Variants in ADGRB3 observed in about 807,000 individuals in gnomAD.
ADGRB3 encodes brain-specific angiogenesis inhibitor 3.
Under a neutral mutation model 193.4 loss-of-function variants are expected in ADGRB3, and 37 were observed. The observed-to-expected ratio is 0.19, with a 90% CI of 0.15 to 0.25. The LOEUF (loss-of-function observed/expected upper bound fraction) is 0.25. Ranked by LOEUF, ADGRB3 falls within the 10% of genes least tolerant of loss-of-function variation. ADGRB3 has a pLI of 1.00. For missense variants in ADGRB3, 1,637 were observed against 1,852.9 expected, an observed-to-expected ratio of 0.88 and a Z score of 2.14; for synonymous variants, 690 against 644.2, an observed-to-expected ratio of 1.07 and a Z score of -1.08.
chr6:69,303,317 T>A (rs1767987399), intron 20 of ADGRB3, among the ~76,000 whole-genome samples: 1 of 151,868 alleles, frequency 6.6e-6, no homozygotes, highest in African/African-American at 2.4e-5. Context: ...GAAATTATGA[T>A]GCATGTCCCT....
chr6:69,013,564 G>C (rs1770000522), intron 11 of ADGRB3, among the ~76,000 whole-genome samples: 1 of 152,092 alleles, frequency 6.6e-6, no homozygotes, highest in Admixed American at 6.6e-5. Context: ...GCAGAGTCAA[G>C]ATTTCAACTG....
chr6:68,970,553 G>A (rs1280672433), intron 8 of ADGRB3, among the ~76,000 whole-genome samples: 3 of 152,094 alleles, frequency 2.0e-5, no homozygotes, highest in African/African-American at 7.2e-5. Flanking sequence ...TGATCTGCCC[G>A]CCTTGGCCTC....
intron 20 of ADGRB3, among the ~76,000 whole-genome samples, chr6:69,245,293 G>T (rs751823040): frequency 2.0e-5 from 3 of 151,908 alleles, no homozygotes; most frequent in African/African-American, 4.8e-5. Context: ...CTGACCACTC[G>T]ATTTCTCTAT....
At chr6:68,858,351 A>C (rs1765045986) in intron 3 of ADGRB3, among the ~76,000 whole-genome samples, 1 of 151,938 alleles carries the variant, frequency 6.6e-6, no homozygotes, top group South Asian at 2.1e-4. Context: ...GAAAATACAA[A>C]AAATTAGCCA....
intron 15 of ADGRB3, among the ~76,000 whole-genome samples, chr6:69,061,625 T>C (rs1400529499): frequency 2.6e-5 from 4 of 152,050 alleles, no homozygotes; most frequent in Admixed American, 2.0e-4. Context: ...TTCTAAAGGC[T>C]AAAAATCAGA....
At chr6:68,652,536 A>G (rs1768390966) in intron 3 of ADGRB3, among the ~76,000 whole-genome samples, 1 of 152,076 alleles carries the variant, frequency 6.6e-6, no homozygotes, top group South Asian at 2.1e-4. Context: ...CTCCCAAACA[A>G]AAATCCTCCT....
intron 17 of ADGRB3, among the ~76,000 whole-genome samples, chr6:69,187,579 T>C (rs1266033070): frequency 1.3e-5 from 2 of 152,230 alleles, no homozygotes; most frequent in Non-Finnish European, 2.9e-5. Flanking sequence ...GTATTCATAT[T>C]GTGGCTTATC....
At chr6:68,921,992 G>A (rs1767056682) in intron 3 of ADGRB3, among the ~76,000 whole-genome samples, 1 of 152,104 alleles carries the variant, frequency 6.6e-6, no homozygotes, top group South Asian at 2.1e-4. Context: ...GGTTTTATAT[G>A]AAGTACTCTA....
At chr6:69,365,777 G>A (rs1026880844) in intron 29 of ADGRB3, among the ~76,000 whole-genome samples, 11 of 151,974 alleles carry the variant, frequency 7.2e-5, no homozygotes, top group Non-Finnish European at 1.3e-4. Context: ...CTCTGGACAT[G>A]AATTATAGAG....
At chr6:68,729,134 G>T (rs775725174) in intron 3 of ADGRB3, among the ~76,000 whole-genome samples, 25 of 151,518 alleles carry the variant, frequency 1.6e-4, no homozygotes, top group Non-Finnish European at 3.0e-4. Context: ...AATTAAAACG[G>T]AGATATAAGT....
intron 16 of ADGRB3, among the ~76,000 whole-genome samples, chr6:69,073,224 G>T (rs1234808270): frequency 2.0e-5 from 3 of 152,126 alleles, no homozygotes; most frequent in Non-Finnish European, 4.4e-5. Context: ...ATAGTGTAGG[G>T]AGATATGAGC....
At chr6:69,093,267 G>C (rs2150318331) in intron 17 of ADGRB3, among the ~76,000 whole-genome samples, 1 of 150,794 alleles carries the variant, frequency 6.6e-6, no homozygotes, top group African/African-American at 2.4e-5. Context: ...GCCAGCCTTG[G>C]TTCAGCGGGA....
chr6:68,915,328 T>C (rs1282707886), intron 3 of ADGRB3, among the ~76,000 whole-genome samples: 4 of 152,076 alleles, frequency 2.6e-5, no homozygotes, highest in East Asian at 1.9e-4. Context: ...CCTATTTCAT[T>C]GGAAAGAATT....
intron 8 of ADGRB3, among the ~76,000 whole-genome samples, chr6:68,973,162 A>G (rs868839693): frequency 2.0e-5 from 3 of 152,208 alleles, no homozygotes; most frequent in Non-Finnish European, 4.4e-5. Context: ...CATGAAGAGT[A>G]TATGTGGGAA....
At chr6:68,699,403 G>T (rs1765206205) in intron 3 of ADGRB3, among the ~76,000 whole-genome samples, 3 of 152,052 alleles carry the variant, frequency 2.0e-5, no homozygotes, top group African/African-American at 4.8e-5. Context: ...TAATTCTTGG[G>T]ATGTATTAAT....
chr6:69,187,753 C>A (rs926337331), intron 17 of ADGRB3, among the ~76,000 whole-genome samples: 5 of 152,184 alleles, frequency 3.3e-5, no homozygotes, highest in Admixed American at 1.3e-4. Flanking sequence ...ATCTATGAAG[C>A]CTTCCCAACT....
At chr6:68,651,507 A>G (rs1406293351) in intron 3 of ADGRB3, among the ~76,000 whole-genome samples, 1 of 152,204 alleles carries the variant, frequency 6.6e-6, no homozygotes, top group Non-Finnish European at 1.5e-5. Flanking sequence ...AATAAATATT[A>G]CATGTGCTTG....
intron 20 of ADGRB3, among the ~76,000 whole-genome samples, chr6:69,298,069 C>A (rs1767867715): frequency 6.6e-6 from 1 of 151,952 alleles, no homozygotes; most frequent in African/African-American, 2.4e-5. Flanking sequence ...AATTACTTTT[C>A]CTTATAAAAG....
At chr6:68,897,466 AAAGGGAGGGAGGGATGGAGG>A (rs1466708099) in intron 3 of ADGRB3, among the ~76,000 whole-genome samples, 387 of 32,496 alleles carry the variant, frequency 0.012, 12 homozygotes, top group African/African-American at 0.035. Flanking sequence ...GGGAGGGAGG[AAAGGGAGGGAGGGATGGAGG>A]AAGGGAGGGA....
Sources: allele counts gnomAD v4.1 joint callset (sites outside exome capture counted in the v4.1 genomes callset), GRCh38; gene constraint gnomAD v4.1.1; transcripts MANE v1.5; gene names NCBI Gene and HGNC (gene_info 2026-07-23, HGNC 2026-07-21).